Variants in LRTM1 observed in about 807,000 individuals in gnomAD.
LRTM1 encodes leucine-rich repeat and transmembrane domain-containing protein 1.
A neutral mutation model predicts 32.4 loss-of-function variants in LRTM1; 38 were observed. That is an observed-to-expected ratio of 1.17 (90% confidence interval 0.91 to 1.54). The LOEUF is 1.54. Among genes scored for constraint, LRTM1 ranks in the 40% most tolerant of loss-of-function variants. The pLI is 0.00. For missense variants in LRTM1, 466 were observed against 415.4 expected (o/e 1.12, Z -1.06); for synonymous variants, 186 against 169.9 (o/e 1.09, Z -0.74).
At chr3:54,922,822 C>G (rs545787201) in intron 2 of LRTM1, among the ~76,000 whole-genome samples, 1 of 152,230 alleles carries the variant, frequency 6.6e-6, no homozygotes, top group Admixed American at 6.5e-5. Flanking sequence ...CTCACTCACT[C>G]CCCCCAGTCC....
At chr3:54,953,976 G>C (rs1040929176) in intron 1 of LRTM1, among the ~76,000 whole-genome samples, 2 of 152,208 alleles carry the variant, frequency 1.3e-5, no homozygotes, top group Non-Finnish European at 1.5e-5. Flanking sequence ...TCAGTCCACA[G>C]ATTTCAGGAG....
chr3:54,926,172 T>C (rs1208329237), intron 1 of LRTM1, among the ~76,000 whole-genome samples: 1 of 152,172 alleles, frequency 6.6e-6, no homozygotes, highest in Non-Finnish European at 1.5e-5. Context: ...AAAACAATCA[T>C]TAGTAATGAC....
At chr3:54,960,275 C>G (rs1350532234) in intron 1 of LRTM1, among the ~76,000 whole-genome samples, 1 of 152,012 alleles carries the variant, frequency 6.6e-6, no homozygotes, top group Admixed American at 6.5e-5. Context: ...TCTCCTCCCT[C>G]TCTCTCACCA....
chr3:54,950,571 A>C (rs543389061), intron 1 of LRTM1, among the ~76,000 whole-genome samples: 5 of 152,304 alleles, frequency 3.3e-5, no homozygotes, highest in South Asian at 4.1e-4. Context: ...CAGCAATTCA[A>C]AGAATGCTGC....
Position 54,924,655 on chromosome 3 carries a change from C to A in LRTM1, c.568G>T (p.Gly190Cys). ...NLWKCNCHLL[G>C]LKLWLEKFVY... ...AATTTCTCCAGCCAGAGTTTAAGAC[C>A]GAGCAAGTGGCAATTGCATTTCCAG... The change falls in exon 2 of 3, where the codon GGT (glycine) becomes TGT (cysteine). Residue 190 changes from glycine (G) to cysteine (C), a missense_variant. Transcript: ENST00000273286. 2 of 1,614,030 alleles carry A rather than the reference C, an allele frequency of 1.2e-6. No homozygotes were observed. Among genetic ancestry groups the A allele is most frequent in the African/African-American group, 1.3e-5 (1 of 75,008 alleles).
intron 1 of LRTM1, among the ~76,000 whole-genome samples, chr3:54,958,216 C>G (rs943225810): frequency 1.3e-5 from 2 of 152,196 alleles, no homozygotes; most frequent in Non-Finnish European, 1.5e-5. Flanking sequence ...TAACTGCTGA[C>G]AAGAAAACCA....
At chr3:54,956,550 C>T (rs558912259) in intron 1 of LRTM1, among the ~76,000 whole-genome samples, 5 of 152,184 alleles carry the variant, frequency 3.3e-5, no homozygotes, top group African/African-American at 1.2e-4. Flanking sequence ...TGTGCACAGC[C>T]AAAAATACTT....
At chr3:54,943,355 T>C (rs747246945) in intron 1 of LRTM1, among the ~76,000 whole-genome samples, 13 of 152,172 alleles carry the variant, frequency 8.5e-5, no homozygotes, top group Non-Finnish European at 7.3e-5. Flanking sequence ...AAGTTAAGAT[T>C]GCCGTTTTTT....
chr3:54,955,312 T>G (rs1440028628), intron 1 of LRTM1, among the ~76,000 whole-genome samples: 3 of 152,088 alleles, frequency 2.0e-5, no homozygotes, highest in African/African-American at 4.8e-5. Flanking sequence ...GCAGGTAATC[T>G]CTTGAAGCTA....
At chr3:54,958,689 G>T (rs1701961786) in intron 1 of LRTM1, among the ~76,000 whole-genome samples, 1 of 152,202 alleles carries the variant, frequency 6.6e-6, no homozygotes, top group Admixed American at 6.5e-5. Context: ...CTGTTAAGCT[G>T]CAGGATACAA....
At chr3:54,958,579 T>TA (rs1294505893) in intron 1 of LRTM1, among the ~76,000 whole-genome samples, 1 of 152,174 alleles carries the variant, frequency 6.6e-6, no homozygotes, top group Non-Finnish European at 1.5e-5. Flanking sequence ...GTCTCCTGAG[T>TA]AAAGCAATAG....
chr3:54,937,542 T>C (rs1701361054), intron 1 of LRTM1, among the ~76,000 whole-genome samples: 1 of 152,166 alleles, frequency 6.6e-6, no homozygotes, highest in African/African-American at 2.4e-5. Context: ...CAAACTCGTG[T>C]TGTGCAAGGG....
intron 1 of LRTM1, among the ~76,000 whole-genome samples, chr3:54,961,666 G>A (rs1294888540): frequency 2.0e-5 from 3 of 152,144 alleles, no homozygotes; most frequent in Admixed American, 2.0e-4. Context: ...CCTGATTGAT[G>A]TGCACAGGAA....
chr3:54,922,826 C>T (rs1432485317), intron 2 of LRTM1, among the ~76,000 whole-genome samples: 2 of 152,156 alleles, frequency 1.3e-5, no homozygotes, highest in African/African-American at 4.8e-5. Flanking sequence ...CTCACTCCCC[C>T]CAGTCCCCTC....
chr3:54,937,480 A>G (rs771885710), intron 1 of LRTM1, among the ~76,000 whole-genome samples: 3 of 152,234 alleles, frequency 2.0e-5, no homozygotes, highest in Non-Finnish European at 4.4e-5. Flanking sequence ...CAGGTTTCAC[A>G]TTCCATAAAT....
rs1004034823 is a variant in LRTM1 at position 54,962,055 on chromosome 3, A to G, written c.-222+4873T>C. Reference sequence around the variant, plus strand: ...ACCAGTCCCACTCTCATGATAACTCATTAATCCATTAACCCATTAATCTAT... The same window carrying G: ...ACCAGTCCCACTCTCATGATAACTCGTTAATCCATTAACCCATTAATCTAT... On this transcript the variant is annotated intron_variant, in intron 1 of 2. Transcript: ENST00000493075. 5.2e-4 allele frequency among the ~76,000 whole-genome samples: 79 copies of G among 152,086 alleles called. 1 individual carries two copies. The highest frequency in any genetic ancestry group is 5.9e-4 in the Admixed American group (9 of 15,258).
chr3:54,940,041 G>A (rs892995300), intron 1 of LRTM1, among the ~76,000 whole-genome samples: 2 of 149,302 alleles, frequency 1.3e-5, no homozygotes, highest in Admixed American at 6.6e-5. Context: ...GTGGAAGATG[G>A]AGAAGGTGGA....
chr3:54,924,972 T>C lies in LRTM1; in HGVS notation c.251A>G (p.Asn84Ser), dbSNP rs1700969604. Residue 84 changes from asparagine to serine, a missense_variant, in exon 2 of 3, where the codon AAT (asparagine) becomes AGT (serine). By Grantham distance (46) the Asn-to-Ser change is conservative (BLOSUM62 1). Transcript: ENST00000273286. ...TCCAGGGGCCAGATTTGAAAGGGAA[T>C]TGTTGGACAAGTTTAAGGTCATGAG... ...PWLMTLNLSN[N>S]SLSNLAPGAF... is the part of the protein sequence containing the mutation. The C allele has an allele frequency of 5.6e-6, 9 of 1,611,384 alleles. No homozygotes were observed. Among genetic ancestry groups the C allele is most frequent in the Non-Finnish European group, 6.8e-6 (8 of 1,177,710 alleles).
At chr3:54,927,844 G>GA in intron 1 of LRTM1, 61 bp downstream of exon 1, 1 of 1,571,780 alleles carries the variant, frequency 6.4e-7, no homozygotes, top group Admixed American at 1.7e-5. Flanking sequence ...ATACCTTTGT[G>GA]AGGGGATACC....
Sources: gnomAD v4.1 joint callset for allele counts (sites outside exome capture counted in the v4.1 genomes callset) on GRCh38, gnomAD v4.1.1 for gene constraint, MANE v1.5 for transcripts, NCBI Gene and HGNC (gene_info 2026-07-23, HGNC 2026-07-21) for gene names.